Variants in NAALAD2 observed in about 807,000 individuals in gnomAD.
The protein encoded by NAALAD2 is N-acetylated alpha-linked acidic dipeptidase 2.
A neutral mutation model predicts 95.6 loss-of-function variants in NAALAD2; 89 were observed. The ratio of observed to expected loss-of-function variants is 0.93; its 90% CI spans 0.78 to 1.11. The LOEUF is 1.11. NAALAD2 is among the 50% of genes least tolerant of loss of function. The pLI is 0.00. For synonymous variants in NAALAD2, 264 were observed against 294.4 expected, an observed-to-expected ratio of 0.90 and a Z score of 1.06; for missense variants, 894 against 872.4, an observed-to-expected ratio of 1.02 and a Z score of -0.31.
At chr11:90,180,819 C>T (rs372389678) in intron 16 of NAALAD2, among the ~76,000 whole-genome samples, 2 of 152,070 alleles carry the variant, frequency 1.3e-5, no homozygotes, top group East Asian at 3.9e-4. Flanking sequence ...AAAAAAAACC[C>T]ATTAAGTTTC....
At chr11:90,159,949 C>A in intron 8 of NAALAD2, among the ~76,000 whole-genome samples, 4 of 115,166 alleles carry the variant, frequency 3.5e-5, no homozygotes, top group African/African-American at 7.5e-5. Flanking sequence ...ACTGAAACTC[C>A]ATCTAAAAAA....
At chr11:90,174,159 C>T (rs774950967) in intron 14 of NAALAD2, among the ~76,000 whole-genome samples, 3 of 152,072 alleles carry the variant, frequency 2.0e-5, no homozygotes, top group Non-Finnish European at 4.4e-5. Flanking sequence ...CGGCGAAACC[C>T]TGTCTCTACT....
chr11:90,158,435 A>G, intron 7 of NAALAD2, 197 bp downstream of exon 7: 1 of 502,170 alleles, frequency 2.0e-6, no homozygotes, highest in East Asian at 3.6e-5. Context: ...TCAAAATAAA[A>G]TATCGCTCTG....
At chr11:90,166,310 T>G (rs1405395874) in intron 11 of NAALAD2, among the ~76,000 whole-genome samples, 4 of 152,194 alleles carry the variant, frequency 2.6e-5, no homozygotes, top group African/African-American at 7.2e-5. Context: ...TGTGTGTTTG[T>G]GTATGTGTAT....
chr11:90,152,547 A>G (rs1432924358), intron 6 of NAALAD2, 63 bp downstream of exon 6: 6 of 1,302,866 alleles, frequency 4.6e-6, no homozygotes, highest in Non-Finnish European at 5.3e-6. Context: ...TTTAGAAGGA[A>G]TACAAGCAAG....
intron 6 of NAALAD2, among the ~76,000 whole-genome samples, chr11:90,157,739 TCAGACAG>T (rs1952160184): frequency 6.6e-6 from 1 of 151,948 alleles, no homozygotes. Flanking sequence ...TTTTTTTTTT[TCAGACAG>T]AGTCTTGCTC....
chr11:90,134,453 A>G, upstream of NAALAD2: 1 of 357,228 alleles, frequency 2.8e-6, no homozygotes, highest in Non-Finnish European at 5.2e-6. Context: ...AGAGTTCTTT[A>G]GGAAAAAATT....
intron 2 of NAALAD2, among the ~76,000 whole-genome samples, chr11:90,144,951 G>C (rs1416484279): frequency 6.6e-6 from 1 of 151,994 alleles, no homozygotes; most frequent in African/African-American, 2.4e-5. Flanking sequence ...CTTTTTAACA[G>C]AGCCTCAACT....
intron 18 of NAALAD2, among the ~76,000 whole-genome samples, chr11:90,186,060 G>A (rs1857132435): frequency 6.6e-6 from 1 of 151,458 alleles, no homozygotes; most frequent in Admixed American, 6.6e-5. Flanking sequence ...AAGTTTTAGG[G>A]TACATGTGCA....
chr11:90,171,450 A>G (rs887816623), intron 13 of NAALAD2, among the ~76,000 whole-genome samples: 1 of 152,194 alleles, frequency 6.6e-6, no homozygotes, highest in African/African-American at 2.4e-5. Flanking sequence ...CATCTTATCT[A>G]AAAGTAAGCT....
chr11:90,155,080 GTATA>G, intron 6 of NAALAD2, among the ~76,000 whole-genome samples: 1 of 119,854 alleles, frequency 8.3e-6, no homozygotes, highest in Admixed American at 9.4e-5. Flanking sequence ...ATATATGTGT[GTATA>G]TATATTATAT....
At chr11:90,175,922 T>TTA in intron 14 of NAALAD2, 50 bp from the exon 15 acceptor site, 1 of 749,512 alleles carries the variant, frequency 1.3e-6, no homozygotes, top group Non-Finnish European at 1.9e-6. Context: ...TATCATTTAC[T>TTA]TGTTTATGTG....
chr11:90,147,929 T>G (rs2000530), intron 3 of NAALAD2, among the ~76,000 whole-genome samples: 68,734 of 152,034 alleles, frequency 0.45, 16,592 homozygotes, highest in African/African-American at 0.62. Flanking sequence ...TATTGGCAAA[T>G]GCTTGGAGGC....
chr11:90,177,313 CT>C (rs200479754), intron 15 of NAALAD2, among the ~76,000 whole-genome samples: 6,918 of 140,648 alleles, frequency 0.049, 178 homozygotes, highest in Middle Eastern at 0.11. Flanking sequence ...TGCCCAGAAC[CT>C]TTTTTTTTTT....
rs1485533221 is a variant in NAALAD2, at chr11:90,192,885, A to T, written c.*1138A>T. On this transcript the variant is annotated 3_prime_UTR_variant, in exon 19 of 19. Coordinates refer to ENST00000534061, the MANE Select transcript of NAALAD2 (RefSeq NM_005467.4). ...AAAGCTTCAATAAACTTGGTTGTTC[A>T]TCTACTTCACCAAAACGAGTTAAGA... 1 of 152,020 alleles carries T rather than the reference A, an allele frequency of 6.6e-6. No individual in the cohort carries two copies. The highest frequency in any genetic ancestry group is 1.5e-5 in the Non-Finnish European group (1 of 67,910). The allele number at this position is 152,020 out of a possible 1,614,324, so 9.4% of individuals were successfully genotyped here. A position where few individuals can be genotyped will look rare whatever the true frequency, so the allele number is the denominator to read the frequency against.
intron 6 of NAALAD2, among the ~76,000 whole-genome samples, chr11:90,155,560 AAT>A (rs1470352044): frequency 1.1e-5 from 1 of 90,720 alleles, no homozygotes; most frequent in Admixed American, 1.6e-4. Flanking sequence ...TATAATGTGT[AAT>A]ATATAATATA....
rs948416131 is a variant in NAALAD2, at chr11:90,192,012, A to T, written c.*265A>T. ...AATTCCCTAAATTATAGCAAGGAAC[A>T]TGAATTCTCAGACATTGTGAGTGTG... On this transcript the variant is annotated 3_prime_UTR_variant, in exon 19 of 19. Coordinates refer to ENST00000534061, the MANE Select transcript of NAALAD2 (RefSeq NM_005467.4). 4.7e-6 allele frequency: 1 copy of T among 214,884 alleles called. No homozygotes were observed. The highest frequency in any genetic ancestry group is 9.1e-6 in the Non-Finnish European group (1 of 109,668). The allele number at this position is 214,884 out of a possible 1,614,324, so 13.3% of individuals were successfully genotyped here.
At chr11:90,150,069 T>C (rs1300465089) in intron 4 of NAALAD2, among the ~76,000 whole-genome samples, 1 of 151,938 alleles carries the variant, frequency 6.6e-6, no homozygotes, top group Admixed American at 6.6e-5. Flanking sequence ...CTGGCCAACA[T>C]GGTGAAACCC....
rs748891873 is a variant in NAALAD2, at chr11:90,150,609, T to C, written c.609+2T>C. The C allele has an allele frequency of 5.1e-6, 8 of 1,580,978 alleles. No homozygotes were observed. Among genetic ancestry groups the C allele is most frequent in the Admixed American group, 1.7e-5 (1 of 59,236 alleles). On this transcript the variant is annotated splice_donor_variant, in intron 5 of 18. Coordinates refer to ENST00000534061, the MANE Select transcript of NAALAD2 (RefSeq NM_005467.4). LOFTEE classifies it high-confidence loss of function. ...GGAAAAATCTTCAGAGGAAATAAAGTACAGTATTATTTGTTTTTCTACAGA... is the reference window on the plus strand; with the variant it reads ...GGAAAAATCTTCAGAGGAAATAAAGCACAGTATTATTTGTTTTTCTACAGA...
Sources: allele counts gnomAD v4.1 joint callset (sites outside exome capture counted in the v4.1 genomes callset), GRCh38; gene constraint gnomAD v4.1.1; transcripts MANE v1.5; gene names NCBI Gene and HGNC (gene_info 2026-07-23, HGNC 2026-07-21).